The following SLC20A2 variants were observed in gnomAD, a reference collection of about 807,000 sequenced individuals.
SLC20A2 encodes solute carrier family 20 member 2.
Under a neutral mutation model 61.0 loss-of-function variants are expected in SLC20A2, and 30 were observed. The observed-to-expected ratio is 0.49, with a 90% CI of 0.37 to 0.67. The LOEUF is 0.67. Ranked by LOEUF, SLC20A2 falls within the 30% of genes least tolerant of loss-of-function variation. The pLI, the probability that SLC20A2 is intolerant of heterozygous loss-of-function variation, is 0.00. For synonymous variants in SLC20A2, 351 were observed against 353.3 expected, an observed-to-expected ratio of 0.99 and a Z score of 0.07; for missense variants, 626 against 866.4, an observed-to-expected ratio of 0.72 and a Z score of 3.48.
intron 5 of SLC20A2, among the ~76,000 whole-genome samples, chr8:42,451,808 G>GAAA (rs1805696715): frequency 1.4e-5 from 2 of 141,844 alleles, no homozygotes; most frequent in African/African-American, 5.4e-5. Flanking sequence ...AGGAAGAGAT[G>GAAA]GAGGAGGAGA....
chr8:42,434,855 GGTGT>G (rs976429947), intron 8 of SLC20A2, among the ~76,000 whole-genome samples: 1 of 152,088 alleles, frequency 6.6e-6, no homozygotes, highest in Non-Finnish European at 1.5e-5. Context: ...AATGAAACAT[GGTGT>G]GTGTGTGAAT....
chr8:42,534,610 G>C (rs1474998367), intron 1 of SLC20A2: 1 of 152,168 alleles, frequency 6.6e-6, no homozygotes. Flanking sequence ...ATCTATTTGC[G>C]AGGATTTAAT....
chr8:42,537,956 CTTAA>C (rs1388996912), intron 1 of SLC20A2: 1 of 152,150 alleles, frequency 6.6e-6, no homozygotes, highest in African/African-American at 2.4e-5. Flanking sequence ...GAGCAACAAA[CTTAA>C]TTACTTTGCT....
At chr8:42,493,682 A>G (rs944608209) in intron 1 of SLC20A2, among the ~76,000 whole-genome samples, 2 of 152,226 alleles carry the variant, frequency 1.3e-5, no homozygotes, top group Non-Finnish European at 2.9e-5. Context: ...GAGTTTGTTA[A>G]GATCCAGTGT....
chr8:42,539,357 C>T (rs1245185390), intron 1 of SLC20A2, among the ~76,000 whole-genome samples: 3 of 152,186 alleles, frequency 2.0e-5, no homozygotes, highest in African/African-American at 7.2e-5. Flanking sequence ...GTTATGCCTA[C>T]ACAAATCATT....
chr8:42,498,289 GT>G (rs1186416268), intron 1 of SLC20A2, among the ~76,000 whole-genome samples: 1 of 152,164 alleles, frequency 6.6e-6, no homozygotes, highest in Non-Finnish European at 1.5e-5. Flanking sequence ...CTTGTCACTT[GT>G]CCCCATCACT....
At chr8:42,511,251 G>A (rs113427062) in intron 1 of SLC20A2, among the ~76,000 whole-genome samples, 8 of 152,220 alleles carry the variant, frequency 5.3e-5, no homozygotes, top group Non-Finnish European at 7.3e-5. Context: ...TCCAAGAGAC[G>A]TGGAAATCAA....
At chr8:42,519,421 G>A (rs989057293) in intron 1 of SLC20A2, among the ~76,000 whole-genome samples, 1 of 149,750 alleles carries the variant, frequency 6.7e-6, no homozygotes, top group Non-Finnish European at 1.5e-5. Context: ...TCCAGCCTGG[G>A]CGACAGAGCG....
intron 1 of SLC20A2, among the ~76,000 whole-genome samples, chr8:42,485,957 A>G (rs1235370922): frequency 1.3e-5 from 2 of 152,074 alleles, no homozygotes; most frequent in South Asian, 2.1e-4. Flanking sequence ...AAAAAAAAAA[A>G]AAAGAAAACT....
At chr8:42,476,632 G>A (rs1375589000) in intron 1 of SLC20A2, among the ~76,000 whole-genome samples, 6 of 152,252 alleles carry the variant, frequency 3.9e-5, no homozygotes, top group South Asian at 2.1e-4. Flanking sequence ...GTGTCAGCCC[G>A]GAGATCCCCT....
chr8:42,529,767 T>C (rs1812208538), intron 1 of SLC20A2, among the ~76,000 whole-genome samples: 1 of 152,222 alleles, frequency 6.6e-6, no homozygotes, highest in Admixed American at 6.5e-5. Context: ...TTTCTAATCA[T>C]CACCAGCTTA....
intron 9 of SLC20A2, among the ~76,000 whole-genome samples, chr8:42,429,319 A>C (rs1043611195): frequency 6.6e-5 from 10 of 152,172 alleles, no homozygotes; most frequent in African/African-American, 2.4e-4. Flanking sequence ...TGTATATAGG[A>C]GGCTCACTGG....
chr8:42,449,928 A>C (rs1805510720), intron 5 of SLC20A2, among the ~76,000 whole-genome samples: 1 of 152,218 alleles, frequency 6.6e-6, no homozygotes, highest in Non-Finnish European at 1.5e-5. Context: ...TTGTCACATA[A>C]CAATATGCTG....
chr8:42,488,279 G>A (rs186142624), intron 1 of SLC20A2, among the ~76,000 whole-genome samples: 3 of 138,084 alleles, frequency 2.2e-5, no homozygotes, highest in East Asian at 2.3e-4. Flanking sequence ...TCTGCCTCCC[G>A]GGTTCGACCG....
chr8:42,457,296 T>C (rs1156450594), intron 5 of SLC20A2, among the ~76,000 whole-genome samples: 1 of 152,050 alleles, frequency 6.6e-6, no homozygotes, highest in African/African-American at 2.4e-5. Flanking sequence ...TCCTGGTCCA[T>C]GAATTATATA....
chr8:42,490,741 G>A (rs571828919), intron 1 of SLC20A2, among the ~76,000 whole-genome samples: 8 of 152,270 alleles, frequency 5.3e-5, no homozygotes, highest in Middle Eastern at 3.4e-3. Flanking sequence ...AATCAGGCCC[G>A]AGAGAAAGAG....
intron 8 of SLC20A2, among the ~76,000 whole-genome samples, chr8:42,435,174 A>G (rs186074839): frequency 1.3e-5 from 2 of 152,224 alleles, no homozygotes; most frequent in Admixed American, 1.3e-4. Flanking sequence ...TACCAAATAA[A>G]ATACCACAGA....
chr8:42,499,960 T>G (rs994835181), intron 1 of SLC20A2, among the ~76,000 whole-genome samples: 1 of 152,246 alleles, frequency 6.6e-6, no homozygotes, highest in Non-Finnish European at 1.5e-5. Flanking sequence ...GTATTTCCTT[T>G]CATTGTTGAC....
intron 3 of SLC20A2, 105 bp from the exon 4 acceptor site, chr8:42,463,195 A>C (rs746155714): frequency 6.7e-5 from 43 of 646,356 alleles, no homozygotes; most frequent in Non-Finnish European, 1.1e-4. Context: ...TACATTCATA[A>C]GTATTTCCAG....
Sources: allele counts gnomAD v4.1 joint callset (sites outside exome capture counted in the v4.1 genomes callset), GRCh38; gene constraint gnomAD v4.1.1; transcripts MANE v1.5; gene names NCBI Gene and HGNC (gene_info 2026-07-23, HGNC 2026-07-21).